The following KLHL29 variants were observed in gnomAD, a reference collection of about 807,000 sequenced individuals.
The protein encoded by KLHL29 is kelch-like protein 29.
A neutral mutation model predicts 80.4 loss-of-function variants in KLHL29; 21 were observed. The ratio of observed to expected loss-of-function variants is 0.26; its 90% CI spans 0.19 to 0.38. The LOEUF (loss-of-function observed/expected upper bound fraction) is 0.38, where lower values mean the gene tolerates loss of function less well. KLHL29 is among the 10% of genes least tolerant of loss of function. KLHL29 has a pLI of 1.00. For missense variants in KLHL29, 867 were observed against 1,223.9 expected, an observed-to-expected ratio of 0.71 and a Z score of 4.35; for synonymous variants, 511 against 526.8, an observed-to-expected ratio of 0.97 and a Z score of 0.41.
intron 1 of KLHL29, among the ~76,000 whole-genome samples, chr2:23,465,147 C>T (rs1429805107): frequency 6.6e-6 from 1 of 152,178 alleles, no homozygotes; most frequent in Non-Finnish European, 1.5e-5. Flanking sequence ...AACTCGAGGT[C>T]TCGTACTGTG....
At chr2:23,495,706 C>T (rs1321430013) in intron 2 of KLHL29, among the ~76,000 whole-genome samples, 3 of 152,222 alleles carry the variant, frequency 2.0e-5, no homozygotes, top group Non-Finnish European at 4.4e-5. Flanking sequence ...GGCATCGTGT[C>T]AGGGCCAGGG....
intron 5 of KLHL29, among the ~76,000 whole-genome samples, chr2:23,650,647 C>T (rs1158530715): frequency 6.6e-6 from 1 of 152,234 alleles, no homozygotes; most frequent in Non-Finnish European, 1.5e-5. Flanking sequence ...GTAGAAAACA[C>T]TGGGGGCCAT....
At chr2:23,469,681 G>A (rs1196512310) in intron 1 of KLHL29, among the ~76,000 whole-genome samples, 1 of 152,100 alleles carries the variant, frequency 6.6e-6, no homozygotes, top group Non-Finnish European at 1.5e-5. Flanking sequence ...AAGAAAAATT[G>A]TGGAAAATGA....
rs1478956621 is a variant in KLHL29 at position 23,647,990 on chromosome 2, A to G, written c.940+5140A>G. ...GTGGGCACAAAGCACTGAGCTGAGAATCACCCACCAGGGTTCTGTGACTTC... is the reference window on the plus strand; with the variant it reads ...GTGGGCACAAAGCACTGAGCTGAGAGTCACCCACCAGGGTTCTGTGACTTC... On this transcript the variant is annotated intron_variant, in intron 5 of 13. Coordinates refer to ENST00000486442, the MANE Select transcript of KLHL29 (RefSeq NM_052920.2). The surrounding 1 kb of genome is among the most constrained non-coding windows in gnomAD (Gnocchi z 4.9). Among the ~76,000 whole-genome samples the G allele has an allele frequency of 3.3e-5, 5 of 152,098 alleles. No individual in the cohort carries two copies.
Position 23,562,146 on chromosome 2 carries a change from C to A in KLHL29, c.-45-6C>A, listed in dbSNP as rs1305012454. 21 of 1,545,804 alleles carry A rather than the reference C, an allele frequency of 1.4e-5. No individual in the cohort carries two copies. Among genetic ancestry groups the A allele is most frequent in the Non-Finnish European group, 1.8e-5 (21 of 1,145,244 alleles). ...AATCACCCTTCTCTCCACCCTGTCACCACAGGTCCGGGCTCTGTTTCCCTG... is the reference window on the plus strand; with the variant it reads ...AATCACCCTTCTCTCCACCCTGTCAACACAGGTCCGGGCTCTGTTTCCCTG... On this transcript the variant is annotated splice_region_variant and splice_polypyrimidine_tract_variant and intron_variant, in intron 2 of 13. Transcript: ENST00000486442. The surrounding 1 kb of genome is among the most constrained non-coding windows in gnomAD (Gnocchi z 4.5).
chr2:23,502,425 G>A (rs994702187), intron 2 of KLHL29, among the ~76,000 whole-genome samples: 5 of 152,228 alleles, frequency 3.3e-5, no homozygotes, highest in African/African-American at 7.2e-5. Flanking sequence ...GGAGGGAGTC[G>A]GGTGTTTCAG....
At position 23,562,238 on chromosome 2, in the gene KLHL29, G is replaced by A; in HGVS notation, c.42G>A (p.Val14=). 1 of 1,550,646 alleles carries A rather than the reference G, an allele frequency of 6.4e-7. No homozygotes were observed. Among genetic ancestry groups the A allele is most frequent in the South Asian group, 1.2e-5 (1 of 84,032 alleles). ...GCCGCTTCGAAAGAGATTACCGGGT[G>A]GGCTGGGACCGCCGCGAATGGAGCG... is the stretch of plus-strand genomic sequence containing the variant. The part of the protein sequence containing the change: ...HHSRFERDYR[V]GWDRREWSVN... Residue 14 remains valine, a synonymous_variant, in exon 3 of 14, where the codon GTG becomes GTA. Coordinates refer to ENST00000486442, the MANE Select transcript of KLHL29 (RefSeq NM_052920.2). The surrounding 1 kb of genome is among the most constrained non-coding windows in gnomAD (Gnocchi z 4.5).
rs920028033 is a variant in KLHL29 at position 23,457,375 on chromosome 2, G to C, written c.-153-18185G>C. The stretch of plus-strand genomic sequence containing the variant: ...GGGACCTAGAGAAGAGACAGCCAGA[G>C]GTTCTTAATTCTTTCCTTCATCTTC... On this transcript the variant is annotated intron_variant, in intron 1 of 13. Transcript: ENST00000486442. The surrounding 1 kb of genome is among the most constrained non-coding windows in gnomAD (Gnocchi z 4.3). 6.6e-6 allele frequency among the ~76,000 whole-genome samples: 1 copy of C among 152,174 alleles called. No individual in the cohort carries two copies. The highest frequency in any genetic ancestry group is 1.5e-5 in the Non-Finnish European group (1 of 68,030).
chr2:23,536,918 A>ACACACACTCTCT (rs143009876), intron 2 of KLHL29, among the ~76,000 whole-genome samples: 43,875 of 140,250 alleles, frequency 0.31, 7,421 homozygotes, highest in East Asian at 0.69. Flanking sequence ...ACACACACAC[A>ACACACACTCTCT]CTCTCTCTCT....
rs188520905 is a variant in KLHL29 at position 23,547,261 on chromosome 2, G to A, written c.-45-14891G>A. Among the ~76,000 whole-genome samples the A allele has an allele frequency of 1.4e-3, 212 of 152,326 alleles. 2 individuals are homozygous for A. The highest frequency in any genetic ancestry group is 5.0e-3 in the African/African-American group (208 of 41,562). Reference sequence around the variant, plus strand: ...GGCAAAACCAGAGAAGGGCGATGCTGCCATTCTCATTACCCGATTCCGAGC... The same window carrying A: ...GGCAAAACCAGAGAAGGGCGATGCTACCATTCTCATTACCCGATTCCGAGC... On this transcript the variant is annotated intron_variant, in intron 2 of 13. Coordinates refer to ENST00000486442, the MANE Select transcript of KLHL29 (RefSeq NM_052920.2).
chr2:23,556,262 A>G (rs2103492718), intron 2 of KLHL29, among the ~76,000 whole-genome samples: 1 of 152,128 alleles, frequency 6.6e-6, no homozygotes, highest in Admixed American at 6.5e-5. Context: ...CCGAAGCCTG[A>G]TGTCTGTCCC....
At chr2:23,651,857 C>T (rs777600980) in intron 5 of KLHL29, among the ~76,000 whole-genome samples, 1 of 152,172 alleles carries the variant, frequency 6.6e-6, no homozygotes, top group Non-Finnish European at 1.5e-5. Flanking sequence ...CATGAACACT[C>T]CTGGTGTCTC....
rs79644008 is a variant in KLHL29 at position 23,520,995 on chromosome 2, C to A, written c.-45-41157C>A. On this transcript the variant is annotated intron_variant, in intron 2 of 13. Coordinates refer to ENST00000486442, the MANE Select transcript of KLHL29 (RefSeq NM_052920.2). ...CTGCTTTCATTTTACAAAGACCACCCCCCCCCCCGCTCCCCCTCAGGGGTG... is the reference window on the plus strand; with the variant it reads ...CTGCTTTCATTTTACAAAGACCACCACCCCCCCCGCTCCCCCTCAGGGGTG... Among the ~76,000 whole-genome samples the A allele has an allele frequency of 3.3e-5, 3 of 90,692 alleles. 1 individual carries two copies. Among genetic ancestry groups the A allele is most frequent in the Admixed American group, 2.5e-4 (2 of 8,116 alleles). 59.5% of individuals were successfully genotyped at this position (90,692 alleles called of 152,430 possible).
At chr2:23,439,572 A>G (rs548229557) in intron 1 of KLHL29, among the ~76,000 whole-genome samples, 9 of 151,962 alleles carry the variant, frequency 5.9e-5, no homozygotes, top group Non-Finnish European at 1.3e-4. Flanking sequence ...TTATGTACCC[A>G]GTAGTCATTC....
intron 1 of KLHL29, among the ~76,000 whole-genome samples, chr2:23,429,357 A>G (rs2103407278): frequency 6.6e-6 from 1 of 152,262 alleles, no homozygotes; most frequent in South Asian, 2.1e-4. Context: ...CGTGTAAACC[A>G]CCACCCAGCC....
At chr2:23,678,789 G>A (rs1334572009) in intron 5 of KLHL29, among the ~76,000 whole-genome samples, 2 of 152,210 alleles carry the variant, frequency 1.3e-5, no homozygotes, top group East Asian at 1.9e-4. Context: ...AGGACATTAT[G>A]CTAGGTGAAA....
intron 3 of KLHL29, among the ~76,000 whole-genome samples, chr2:23,587,102 A>G (rs1668139649): frequency 6.6e-6 from 1 of 152,108 alleles, no homozygotes; most frequent in South Asian, 2.1e-4. Flanking sequence ...GCTCCTTTTA[A>G]TTAGACGCCC....
Position 23,706,754 on chromosome 2 carries a change from G to A in KLHL29, c.*90G>A. ...AATTTTCCAGCGACACCAACAAGAG[G>A]CCAACAAAACACAATCAAGGAACTC... is the stretch of plus-strand genomic sequence containing the variant. On this transcript the variant is annotated 3_prime_UTR_variant, in exon 14 of 14. Coordinates refer to ENST00000486442, the MANE Select transcript of KLHL29 (RefSeq NM_052920.2). The A allele has an allele frequency of 1.1e-6, 1 of 925,500 alleles. No homozygotes were observed. The highest frequency in any genetic ancestry group is 1.5e-6 in the Non-Finnish European group (1 of 647,988). 57.3% of individuals were successfully genotyped at this position (925,500 alleles called of 1,614,324 possible).
At chr2:23,423,884 C>T (rs529331674) in intron 1 of KLHL29, among the ~76,000 whole-genome samples, 4 of 152,318 alleles carry the variant, frequency 2.6e-5, no homozygotes, top group East Asian at 1.9e-4. Context: ...TCCCTGAAGA[C>T]GAGCAGGGAG....
Sources: gnomAD v4.1 joint callset for allele counts (sites outside exome capture counted in the v4.1 genomes callset) on GRCh38, gnomAD v4.1.1 for gene constraint, Gnocchi (gnomAD v3.1) non-coding constraint, MANE v1.5 for transcripts, NCBI Gene and HGNC (gene_info 2026-07-23, HGNC 2026-07-21) for gene names.